DCC: variants seen among roughly 807,000 people sequenced by gnomAD.
DCC encodes the protein netrin receptor DCC.
In DCC, 58 loss-of-function variants were observed where a neutral mutation model predicts 172.5. The observed-to-expected ratio is 0.34, with a 90% CI of 0.27 to 0.42. DCC has a LOEUF of 0.42. Among genes scored for constraint, DCC ranks in the 10% least tolerant of loss-of-function variants. The pLI, the probability that DCC is intolerant of heterozygous loss-of-function variation, is 1.00. For synonymous variants in DCC, 709 were observed against 644.5 expected, an observed-to-expected ratio of 1.10 and a Z score of -1.52; for missense variants, 1,740 against 1,791.0, an observed-to-expected ratio of 0.97 and a Z score of 0.51.
rs551086923 is a variant in DCC at position 52,545,754 on chromosome 18, T to C, written c.91+204876T>C. Among the ~76,000 whole-genome samples the C allele has an allele frequency of 2.6e-5, 4 of 152,308 alleles. No individual in the cohort carries two copies. In the South Asian group the frequency reaches 8.3e-4, roughly 32 times the overall value. On this transcript the variant is annotated intron_variant, in intron 1 of 28. Coordinates refer to ENST00000442544, the MANE Select transcript of DCC (RefSeq NM_005215.4). The stretch of plus-strand genomic sequence containing the variant: ...ATTCATATCTTGAGACCAGGGGTCA[T>C]ATATTTTCTCACTTTATGTGTTAGC...
intron 21 of DCC, among the ~76,000 whole-genome samples, chr18:53,417,100 C>T (rs956838418): frequency 2.6e-5 from 4 of 152,134 alleles, no homozygotes; most frequent in Admixed American, 2.0e-4. Context: ...TACTTGCAAA[C>T]GTGTCTCATA....
chr18:53,430,710 CTTA>C (rs1408624936), intron 21 of DCC, among the ~76,000 whole-genome samples: 3 of 152,096 alleles, frequency 2.0e-5, no homozygotes, highest in East Asian at 1.9e-4. Flanking sequence ...AAGATTTGTA[CTTA>C]TTATTAAAAC....
At position 53,332,388 on chromosome 18, in the gene DCC, A is replaced by C. The variant is rs555020549; in HGVS notation, c.2165-7325A>C. On this transcript the variant is annotated intron_variant, in intron 14 of 28. Transcript: ENST00000442544. ...AAGACAAAATGCAGTTAAAAATTAC[A>C]AAACAATGTTGAACTGTAAAAACTT... Among the ~76,000 whole-genome samples, 12 of 152,352 alleles carry C rather than the reference A, an allele frequency of 7.9e-5. No homozygotes were observed. The East Asian group carries it at 1.7e-3, about 22-fold the overall frequency.
At chr18:53,354,537 G>T (rs1424099000) in intron 15 of DCC, among the ~76,000 whole-genome samples, 2 of 152,104 alleles carry the variant, frequency 1.3e-5, no homozygotes, top group African/African-American at 4.8e-5. Flanking sequence ...TTCTTCATGT[G>T]TCTGTTGGCT....
intron 2 of DCC, among the ~76,000 whole-genome samples, chr18:52,764,080 A>C (rs763143345): frequency 1.3e-5 from 2 of 152,250 alleles, no homozygotes; most frequent in Non-Finnish European, 2.9e-5. Context: ...GTAATGACTT[A>C]ATCAAACGGT....
intron 5 of DCC, among the ~76,000 whole-genome samples, chr18:53,024,812 A>C (rs1400178767): frequency 6.6e-6 from 1 of 152,164 alleles, no homozygotes; most frequent in Non-Finnish European, 1.5e-5. Context: ...GTTGTTTCTT[A>C]ATAGATATAA....
chr18:53,068,771 C>CTGTGTGTGTGTGTGTGTGTGTGTG (rs74683814), intron 7 of DCC, among the ~76,000 whole-genome samples: 4 of 143,736 alleles, frequency 2.8e-5, no homozygotes, highest in East Asian at 4.3e-4. Flanking sequence ...ACCTTTTAGA[C>CTGTGTGTGTGTGTGTGTGTGTGTG]TGTGTGTGTG....
intron 7 of DCC, among the ~76,000 whole-genome samples, chr18:53,091,196 T>C (rs1406190341): frequency 6.6e-6 from 1 of 151,886 alleles, no homozygotes; most frequent in Non-Finnish European, 1.5e-5. Flanking sequence ...CTTTGTGTAC[T>C]TAGAACTCAT....
chr18:52,636,798 G>C (rs1014139810), intron 1 of DCC, among the ~76,000 whole-genome samples: 7 of 152,122 alleles, frequency 4.6e-5, no homozygotes, highest in African/African-American at 7.2e-5. Context: ...CCCAACCACT[G>C]GTCCCTCTCC....
intron 7 of DCC, among the ~76,000 whole-genome samples, chr18:53,134,067 C>T (rs1336713136): frequency 1.3e-5 from 2 of 152,112 alleles, no homozygotes; most frequent in Non-Finnish European, 2.9e-5. Context: ...TACTTTCAGC[C>T]AGTCATACTC....
At chr18:52,963,044 A>G (rs1444282338) in intron 5 of DCC, among the ~76,000 whole-genome samples, 2 of 151,648 alleles carry the variant, frequency 1.3e-5, no homozygotes, top group Non-Finnish European at 2.9e-5. Context: ...AACATGGCAC[A>G]TGTATACATA....
intron 7 of DCC, among the ~76,000 whole-genome samples, chr18:53,111,430 AAAAG>A (rs1173848595): frequency 2.6e-4 from 27 of 104,862 alleles, no homozygotes; most frequent in Non-Finnish European, 4.1e-4. Context: ...AAAGACAAAA[AAAAG>A]AAAGAAAGAT....
At position 52,748,155 on chromosome 18, in the gene DCC, G is replaced by C. The variant is rs552157889; in HGVS notation, c.92-3899G>C. Among the ~76,000 whole-genome samples, 5 of 152,332 alleles carry C rather than the reference G, an allele frequency of 3.3e-5. No individual in the cohort carries two copies. The South Asian group carries it at 1.0e-3, about 32-fold the overall frequency. ...CCGCACAGAGCCAGGTGCGCCAGCT[G>C]CTGCAGTGCGGCAGGCAGCTTTAGG... On this transcript the variant is annotated intron_variant, in intron 1 of 28. Coordinates refer to ENST00000442544, the MANE Select transcript of DCC (RefSeq NM_005215.4).
chr18:52,586,508 C>T (rs1241182692), intron 1 of DCC, among the ~76,000 whole-genome samples: 1 of 152,170 alleles, frequency 6.6e-6, no homozygotes, highest in African/African-American at 2.4e-5. Flanking sequence ...GTCCAGGTGG[C>T]AATCTTAACT....
intron 7 of DCC, among the ~76,000 whole-genome samples, chr18:53,125,971 T>C (rs1598827224): frequency 2.0e-5 from 3 of 152,092 alleles, no homozygotes; most frequent in Non-Finnish European, 2.9e-5. Context: ...CTGCAAGTTA[T>C]TGAGTGTATA....
At chr18:53,178,559 G>A (rs994172129) in intron 8 of DCC, among the ~76,000 whole-genome samples, 1 of 152,156 alleles carries the variant, frequency 6.6e-6, no homozygotes, top group East Asian at 1.9e-4. Context: ...AGACCGATTT[G>A]TGGAATAATT....
intron 2 of DCC, among the ~76,000 whole-genome samples, chr18:52,884,782 A>G (rs866442887): frequency 6.6e-6 from 1 of 152,098 alleles, no homozygotes. Flanking sequence ...CTGGGCATTG[A>G]AGAGTTAGGC....
intron 2 of DCC, among the ~76,000 whole-genome samples, chr18:52,898,759 G>T (rs949617118): frequency 6.7e-5 from 10 of 150,352 alleles, no homozygotes; most frequent in African/African-American, 2.5e-4. Context: ...TGCTTCTTTT[G>T]CTATTAACAT....
intron 1 of DCC, among the ~76,000 whole-genome samples, chr18:52,517,106 G>T (rs1352857918): frequency 6.6e-6 from 1 of 152,168 alleles, no homozygotes; most frequent in Non-Finnish European, 1.5e-5. Flanking sequence ...AGGAAGCTTT[G>T]CATGTGGACC....
Sources: allele counts gnomAD v4.1 joint callset (sites outside exome capture counted in the v4.1 genomes callset), GRCh38; gene constraint gnomAD v4.1.1; transcripts MANE v1.5; gene names NCBI Gene and HGNC (gene_info 2026-07-23, HGNC 2026-07-21).